The following GLB1L variants were observed in gnomAD, a reference collection of about 807,000 sequenced individuals.
GLB1L encodes the protein beta-galactosidase-1-like protein.
A neutral mutation model predicts 75.7 loss-of-function variants in GLB1L; 58 were observed. The observed-to-expected ratio is 0.77, with a 90% CI of 0.62 to 0.95. GLB1L has a LOEUF of 0.95. GLB1L is among the 40% of genes least tolerant of loss of function. The pLI is 0.00. For missense variants in GLB1L, 797 were observed against 805.5 expected (o/e 0.99, Z 0.13); for synonymous variants, 296 against 303.0 (o/e 0.98, Z 0.24).
intron 5 of GLB1L, 145 bp downstream of exon 5, chr2:219,242,369 G>A: frequency 2.7e-6 from 2 of 738,640 alleles, no homozygotes; most frequent in South Asian, 2.8e-5. Context: ...TGGTCCCCCA[G>A]TTTCTAGCAT....
At chr2:219,244,461 GA>G (rs1951479185) in intron 1 of GLB1L, among the ~76,000 whole-genome samples, 1 of 152,180 alleles carries the variant, frequency 6.6e-6, no homozygotes, top group South Asian at 2.1e-4. Context: ...GTGTGGAAGG[GA>G]GGAACCAGGT....
chr2:219,244,933 C>A (rs1486243861), intron 1 of GLB1L, among the ~76,000 whole-genome samples: 3 of 152,190 alleles, frequency 2.0e-5, no homozygotes, highest in Non-Finnish European at 4.4e-5. Flanking sequence ...ACCTTATGTA[C>A]TATTATACCT....
rs1951246715 is a variant in GLB1L, at chr2:219,236,617, C to G, written c.*455G>C. On this transcript the variant is annotated 3_prime_UTR_variant, in exon 17 of 17. Transcript: ENST00000295759. ...GAGGTATGTGGAGCTGGTACTGTCT[C>G]TGGAATTTTAATCACAATAAAGTTT... The G allele has an allele frequency of 1.2e-6, 1 of 851,280 alleles. No homozygotes were observed. Among genetic ancestry groups the G allele is most frequent in the South Asian group, 2.0e-5 (1 of 50,240 alleles). The allele number at this position is 851,280 out of a possible 1,614,324, so 52.7% of individuals were successfully genotyped here.
At position 219,238,549 on chromosome 2, in the gene GLB1L, G is replaced by A. The variant is rs372592862; in HGVS notation, c.1173C>T (p.Cys391=). 5.5e-5 allele frequency: 89 copies of A among 1,614,022 alleles called. 1 individual carries two copies. In the South Asian group the frequency reaches 6.8e-4, roughly 12 times the overall value. Residue 391 remains cysteine, a synonymous_variant, in exon 13 of 17, where the codon TGC becomes TGT. Transcript: ENST00000295759. The part of the protein sequence containing the change: ...GHLLAFLDLL[C]PRGPIHSILP... ...AGATTGAATGAATGGGCCCACGGGGGCAAAGCAAGTCTAGGAAAGCCAGTA... is the reference window on the plus strand; with the variant it reads ...AGATTGAATGAATGGGCCCACGGGGACAAAGCAAGTCTAGGAAAGCCAGTA...
Position 219,237,630 on chromosome 2 carries a change from AG to A in GLB1L, c.1570del (p.Leu524SerfsTer25), listed in dbSNP as rs1408372169. The A allele has an allele frequency of 6.2e-7, 1 of 1,614,182 alleles. No individual in the cohort carries two copies. Among genetic ancestry groups the A allele is most frequent in the South Asian group, 1.1e-5 (1 of 91,086 alleles). On this transcript the variant is annotated frameshift_variant, in exon 16 of 17. Transcript: ENST00000295759. LOFTEE classifies it high-confidence loss of function. ...AGGATATGGCCATTTTGGCAACTGG[AG>A]GGGAAACCACCACTTCACAAGGTTA... is the stretch of plus-strand genomic sequence containing the variant. ...IDNLVKWWFP[L>X]QLPKWPYPQA...
At chr2:219,243,740 G>T in intron 1 of GLB1L, 97 bp from the exon 2 acceptor site, 4 of 628,824 alleles carry the variant, frequency 6.4e-6, no homozygotes, top group African/African-American at 3.7e-5. Context: ...CTACTAGTTT[G>T]TAAAATTTCT....
At position 219,240,261 on chromosome 2, in the gene GLB1L, C is replaced by G; in HGVS notation, c.476G>C (p.Trp159Ser). 2 of 1,614,216 alleles carry G rather than the reference C, an allele frequency of 1.2e-6. No individual in the cohort carries two copies. The highest frequency in any genetic ancestry group is 1.7e-5 in the Admixed American group (1 of 60,032). ...DPDFLAAVDS[W>S]FKVLLPKIYP... ...TATCTTGGGCAGCAAGACCTTGAAC[C>G]AGGAGTCCACTGCGGCAAGGAAGTC... Residue 159 changes from tryptophan (W) to serine (S), a missense_variant, in exon 6 of 17, where the codon TGG (tryptophan) becomes TCG (serine). Trp to Ser is a radical substitution (Grantham distance 177, BLOSUM62 -3). Transcript: ENST00000295759.
At chr2:219,244,908 C>G (rs750905878) in intron 1 of GLB1L, among the ~76,000 whole-genome samples, 2 of 152,230 alleles carry the variant, frequency 1.3e-5, no homozygotes, top group Non-Finnish European at 2.9e-5. Context: ...TCTGGCCTCA[C>G]AGTTAAGCTA....
Position 219,240,224 on chromosome 2 carries a change from A to G in GLB1L, c.513T>C (p.Leu171=), listed in dbSNP as rs778545988. Residue 171 remains leucine, a synonymous_variant, in exon 6 of 17, where the codon CTT becomes CTC. Transcript: ENST00000295759. ...TAATGATGTTGCCCCCATTGTGATA[A>G]AGCCATGGATATATCTTGGGCAGCA... is the stretch of plus-strand genomic sequence containing the variant. ...KVLLPKIYPW[L]YHNGGNIISI... is the part of the protein sequence containing the mutation. The G allele has an allele frequency of 5.6e-5, 91 of 1,614,086 alleles. No homozygotes were observed. The highest frequency in any genetic ancestry group is 7.5e-5 in the Non-Finnish European group (89 of 1,180,034).
chr2:219,240,154 A>T (rs190767549), intron 6 of GLB1L, 37 bp downstream of exon 6: 785 of 1,613,332 alleles, frequency 4.9e-4, no homozygotes, highest in Admixed American at 6.8e-4. Flanking sequence ...GACCCCTTGT[A>T]CCTTCTTCCC....
intron 5 of GLB1L, among the ~76,000 whole-genome samples, chr2:219,241,328 G>A (rs568255711): frequency 2.7e-5 from 4 of 148,718 alleles, no homozygotes; most frequent in Non-Finnish European, 3.0e-5. Context: ...GCAGTGAGCC[G>A]AGATTGCGCC....
intron 5 of GLB1L, among the ~76,000 whole-genome samples, chr2:219,241,436 G>GTATATA (rs1382396720): frequency 0.023 from 1,919 of 84,090 alleles, 43 homozygotes; most frequent in Non-Finnish European, 0.034. Flanking sequence ...GTGTGTGTGT[G>GTATATA]TGTGTGTATA....
Position 219,238,331 on chromosome 2 carries a change from C to A in GLB1L, c.1260G>T (p.Met420Ile). 1 of 1,612,054 alleles carries A rather than the reference C, an allele frequency of 6.2e-7. No individual in the cohort carries two copies. The highest frequency in any genetic ancestry group is 1.1e-5 in the South Asian group (1 of 90,888). ...DHGFMLYRTY[M>I]THTIFEPTPF... ...GTGTTGGCTCAAAAATGGTATGGGT[C>A]ATATAGGTTCGGTACAACATGAAGC... Residue 420 changes from methionine (M) to isoleucine (I), a missense_variant, in exon 14 of 17, where the codon ATG becomes ATT. Physicochemically the swap from Met to Ile is conservative, Grantham distance 10. Coordinates refer to ENST00000295759, the MANE Select transcript of GLB1L (RefSeq NM_001286423.2).
intron 5 of GLB1L, among the ~76,000 whole-genome samples, chr2:219,241,449 T>C (rs1951389903): frequency 7.3e-6 from 1 of 137,776 alleles, no homozygotes; most frequent in East Asian, 2.3e-4. Flanking sequence ...TGTGTATATA[T>C]ATATATATAT....
chr2:219,237,372 G>A lies in GLB1L; in HGVS notation c.1690-25C>T, dbSNP rs754622826. 9.3e-6 allele frequency: 15 copies of A among 1,607,866 alleles called. No homozygotes were observed. The East Asian group carries it at 3.3e-4, about 36-fold the overall frequency. On this transcript the variant is annotated intron_variant, in intron 16 of 16. Coordinates refer to ENST00000295759, the MANE Select transcript of GLB1L (RefSeq NM_001286423.2). ...CCTGGGGAATAGGGAGCAGGAAAGA[G>A]GGGAAAAGAAAGGGTCAGCTCTCCA...
rs1483731513 is a variant in GLB1L, at chr2:219,243,166, C to T, written c.221G>A (p.Gly74Asp). ...TTCTTACAACTGTATGGCGTTGAGG[C>T]CGCTCCATCGCATCTTCAAAAGCCG... ...ADRLLKMRWSGLNAIQFYVPW... is the reference protein window; with the variant it reads ...ADRLLKMRWSDLNAIQFYVPW... The change falls in exon 3 of 17, where the codon GGC becomes GAC. Residue 74 changes from glycine to aspartate, a missense_variant. Gly to Asp is a moderately conservative substitution (Grantham distance 94). Coordinates refer to ENST00000295759, the MANE Select transcript of GLB1L (RefSeq NM_001286423.2). 1.9e-6 allele frequency: 3 copies of T among 1,611,188 alleles called. No homozygotes were observed. Among genetic ancestry groups the T allele is most frequent in the Non-Finnish European group, 2.5e-6 (3 of 1,178,540 alleles).
rs1951434177 is a variant in GLB1L at position 219,243,145 on chromosome 2, T to TA, written c.239+2dup. The TA allele has an allele frequency of 6.2e-7, 1 of 1,603,320 alleles. No individual in the cohort carries two copies. Among genetic ancestry groups the TA allele is most frequent in the African/African-American group, 1.3e-5 (1 of 74,456 alleles). On this transcript the variant is annotated splice_region_variant and intron_variant, in intron 3 of 16. Transcript: ENST00000295759. ...CTCCGCGGCTCTTGCGAGCACTTCT[T>TA]ACAACTGTATGGCGTTGAGGCCGCT...
In GLB1L at chr2:219,239,913, T is replaced by C. The variant is rs1427136064; in HGVS notation, c.721+7A>G. On this transcript the variant is annotated splice_region_variant and intron_variant, in intron 7 of 16. Transcript: ENST00000295759. ...CCCAGACTCCACTCCCAGCCCTTGC[T>C]TGAGACCTGGGCCAAAATCTACAGT... 3 of 1,614,176 alleles carry C rather than the reference T, an allele frequency of 1.9e-6. No homozygotes were observed. The highest frequency in any genetic ancestry group is 2.5e-6 in the Non-Finnish European group (3 of 1,180,034).
intron 5 of GLB1L, among the ~76,000 whole-genome samples, chr2:219,241,523 A>G (rs1951395929): frequency 6.7e-6 from 1 of 148,206 alleles, no homozygotes; most frequent in Non-Finnish European, 1.5e-5. Context: ...AGGCCTCACC[A>G]AGGTGACTTC....
Sources: allele counts gnomAD v4.1 joint callset (sites outside exome capture counted in the v4.1 genomes callset), GRCh38; gene constraint gnomAD v4.1.1; transcripts MANE v1.5; gene names NCBI Gene and HGNC (gene_info 2026-07-23, HGNC 2026-07-21).